Variants in ZFHX4 observed in about 807,000 individuals in gnomAD.
ZFHX4 encodes the protein zinc finger homeobox protein 4.
In ZFHX4, 56 loss-of-function variants were observed where a neutral mutation model predicts 267.6. That is an observed-to-expected ratio of 0.21 (90% confidence interval 0.17 to 0.26). The LOEUF (loss-of-function observed/expected upper bound fraction) is 0.26. ZFHX4 is among the 10% of genes least tolerant of loss of function. ZFHX4 has a pLI of 1.00. For missense variants in ZFHX4, 4,332 were observed against 4,420.0 expected, an observed-to-expected ratio of 0.98 and a Z score of 0.56; for synonymous variants, 1,778 against 1,665.6, an observed-to-expected ratio of 1.07 and a Z score of -1.64.
In ZFHX4 at chr8:76,707,747, C is replaced by T. The variant is rs1179027430; in HGVS notation, c.2792C>T (p.Pro931Leu). ...CATGTGAGCAGTGAGCGCTCTCTCCCTGAAGAGGAATGGAGGGCAGTAATT... is the reference window on the plus strand; with the variant it reads ...CATGTGAGCAGTGAGCGCTCTCTCCTTGAAGAGGAATGGAGGGCAGTAATT... ...SVHVSSERSL[P>L]EEEWRAVIGD... Residue 931 changes from proline to leucine, a missense_variant, in exon 3 of 11, where the codon CCT becomes CTT. Around this residue, in one of 7 missense-constraint regions of ZFHX4, gnomAD observed 1,195 missense variants for 1,173.6 expected, o/e 1.02. Transcript: ENST00000651372. 7.4e-6 allele frequency: 12 copies of T among 1,613,692 alleles called. No homozygotes were observed. Among genetic ancestry groups the T allele is most frequent in the Non-Finnish European group, 9.3e-6 (11 of 1,179,852 alleles).
intron 2 of ZFHX4, among the ~76,000 whole-genome samples, chr8:76,707,293 A>C (rs1185861832): frequency 6.6e-6 from 1 of 152,180 alleles, no homozygotes; most frequent in Non-Finnish European, 1.5e-5. Context: ...GTATTGATCA[A>C]CTTTCTTGCC....
intron 4 of ZFHX4, among the ~76,000 whole-genome samples, chr8:76,796,330 A>T (rs1337039294): frequency 6.6e-6 from 1 of 152,202 alleles, no homozygotes; most frequent in Non-Finnish European, 1.5e-5. Context: ...TCTATAGAAT[A>T]TGTAGAGATA....
At chr8:76,748,221 T>C (rs972480313) in intron 3 of ZFHX4, among the ~76,000 whole-genome samples, 2 of 152,176 alleles carry the variant, frequency 1.3e-5, no homozygotes, top group African/African-American at 4.8e-5. Flanking sequence ...GTGTGTCTCA[T>C]ATCTGTAAGT....
At chr8:76,736,846 T>G (rs1381602780) in intron 3 of ZFHX4, among the ~76,000 whole-genome samples, 1 of 152,124 alleles carries the variant, frequency 6.6e-6, no homozygotes, top group Non-Finnish European at 1.5e-5. Context: ...AAAAATACCT[T>G]GATTAATTGT....
At chr8:76,743,178 C>T (rs912953173) in intron 3 of ZFHX4, among the ~76,000 whole-genome samples, 1 of 152,118 alleles carries the variant, frequency 6.6e-6, no homozygotes, top group Non-Finnish European at 1.5e-5. Context: ...CTAACACAGC[C>T]ACAGATTTCA....
chr8:76,711,777 C>T (rs1034526107), intron 3 of ZFHX4, among the ~76,000 whole-genome samples: 1 of 152,126 alleles, frequency 6.6e-6, no homozygotes, highest in Non-Finnish European at 1.5e-5. Flanking sequence ...ATGAAAACCA[C>T]AGAGCACTAC....
In ZFHX4 at chr8:76,851,178, T is replaced by A; in HGVS notation, c.4257T>A (p.His1419Gln). 6.2e-7 allele frequency: 1 copy of A among 1,613,958 alleles called. No homozygotes were observed. The highest frequency in any genetic ancestry group is 8.5e-7 in the Non-Finnish European group (1 of 1,179,882). Residue 1419 changes from histidine (H) to glutamine (Q), a missense_variant, in exon 10 of 11, where the codon CAT becomes CAA. Transcript: ENST00000651372. ...MQKLQIHSQY[H>Q]AIRAATMCNL... is the part of the protein sequence containing the mutation. ...AGCTTCAGATACATTCCCAGTATCA[T>A]GCAATTCGGGCTGCGACAATGTGTA...
rs138465932 is a variant in ZFHX4 at position 76,845,722 on chromosome 8, T to C, written c.3511+2951T>C. ...TTTACAGCCTTCTGTATTTTAGGGATTGAAAATTATTAAGAAGGCGGCATC... is the reference window on the plus strand; with the variant it reads ...TTTACAGCCTTCTGTATTTTAGGGACTGAAAATTATTAAGAAGGCGGCATC... On this transcript the variant is annotated intron_variant, in intron 6 of 10. Coordinates refer to ENST00000651372, the MANE Select transcript of ZFHX4 (RefSeq NM_024721.5). Among the ~76,000 whole-genome samples, 1,105 of 152,150 alleles carry C rather than the reference T, an allele frequency of 7.3e-3. 23 individuals carry two copies. Among genetic ancestry groups the C allele is most frequent in the Admixed American group, 0.048 (728 of 15,258 alleles).
Position 76,863,390 on chromosome 8 carries a change from C to G in ZFHX4, c.9676C>G (p.Leu3226Val). 1.2e-6 allele frequency: 2 copies of G among 1,613,990 alleles called. No homozygotes were observed. Among genetic ancestry groups the G allele is most frequent in the South Asian group, 2.2e-5 (2 of 91,078 alleles). Residue 3226 changes from leucine to valine, a missense_variant, in exon 11 of 11, where the codon CTT (leucine) becomes GTT (valine). By Grantham distance (32) the Leu-to-Val change is conservative (BLOSUM62 1). Around this residue, in one of 7 missense-constraint regions of ZFHX4, gnomAD observed 1,648 missense variants for 1,625.0 expected, o/e 1.01. Coordinates refer to ENST00000651372, the MANE Select transcript of ZFHX4 (RefSeq NM_024721.5). Reference sequence around the variant, plus strand: ...AAAAGAGGAAAAAATCTCATCTGCTCTTTCAGTGTTGGGCAAAGTTGTAGG... The same window carrying G: ...AAAAGAGGAAAAAATCTCATCTGCTGTTTCAGTGTTGGGCAAAGTTGTAGG... ...PKKEEKISSA[L>V]SVLGKVVGET...
At chr8:76,788,891 A>G (rs1006481698) in intron 4 of ZFHX4, among the ~76,000 whole-genome samples, 2 of 152,148 alleles carry the variant, frequency 1.3e-5, no homozygotes, top group African/African-American at 4.8e-5. Flanking sequence ...TTTTAAGGGA[A>G]CTGATCAGAT....
Position 76,854,839 on chromosome 8 carries a change from C to G in ZFHX4, c.7918C>G (p.Arg2640Gly), listed in dbSNP as rs754039043. The change falls in exon 10 of 11, where the codon CGC becomes GGC. Residue 2640 changes from arginine to glycine, a missense_variant. Transcript: ENST00000651372. ...PTRKMLDHIA[R>G]EVGLKKRVVQ... ...CAGAAAAATGCTTGATCATATTGCC[C>G]GCGAAGTCGGGCTGAAAAAAAGGGT... The G allele has an allele frequency of 6.2e-7, 1 of 1,609,442 alleles. No individual in the cohort carries two copies. Among genetic ancestry groups the G allele is most frequent in the Non-Finnish European group, 8.5e-7 (1 of 1,178,638 alleles).
intron 4 of ZFHX4, among the ~76,000 whole-genome samples, chr8:76,821,551 G>A (rs1408515330): frequency 6.7e-6 from 1 of 148,282 alleles, no homozygotes; most frequent in African/African-American, 2.5e-5. Flanking sequence ...TCACTAGGCT[G>A]TCTATACCAC....
chr8:76,833,305 G>T, intron 4 of ZFHX4, 33 bp from the exon 5 acceptor site: 1 of 1,588,404 alleles, frequency 6.3e-7, no homozygotes, highest in South Asian at 1.1e-5. Flanking sequence ...GATATGGCAT[G>T]CTGATTACCT....
At chr8:76,722,789 C>T (rs1563484675) in intron 3 of ZFHX4, among the ~76,000 whole-genome samples, 1 of 151,992 alleles carries the variant, frequency 6.6e-6, no homozygotes, top group African/African-American at 2.4e-5. Context: ...AGTACATCCA[C>T]TCTATTGGTG....
At chr8:76,860,201 A>G (rs998283546) in intron 10 of ZFHX4, among the ~76,000 whole-genome samples, 13 of 152,136 alleles carry the variant, frequency 8.5e-5, no homozygotes, top group Non-Finnish European at 2.9e-5. Flanking sequence ...TCTTACTAGT[A>G]AGCCAAATGC....
At chr8:76,740,968 A>G (rs1809300500) in intron 3 of ZFHX4, among the ~76,000 whole-genome samples, 1 of 152,170 alleles carries the variant, frequency 6.6e-6, no homozygotes, top group Non-Finnish European at 1.5e-5. Flanking sequence ...GAATTTATAG[A>G]TATATTAATT....
Position 76,849,544 on chromosome 8 carries a change from T to C in ZFHX4, c.3678T>C (p.Ser1226=). Residue 1226 remains serine, a synonymous_variant, in exon 8 of 11, where the codon AGT becomes AGC. Transcript: ENST00000651372. Reference sequence around the variant, plus strand: ...AATGTCCTTATTGTAACTACAATAGTAGGGACCAAAGTCGTATCCAGATGC... The same window carrying C: ...AATGTCCTTATTGTAACTACAATAGCAGGGACCAAAGTCGTATCCAGATGC... ...FYQCPYCNYN[S]RDQSRIQMHV... The C allele has an allele frequency of 6.2e-7, 1 of 1,613,956 alleles. No individual in the cohort carries two copies. Among genetic ancestry groups the C allele is most frequent in the Non-Finnish European group, 8.5e-7 (1 of 1,179,848 alleles).
chr8:76,726,163 T>C (rs974738958), intron 3 of ZFHX4, among the ~76,000 whole-genome samples: 2 of 152,188 alleles, frequency 1.3e-5, no homozygotes, highest in African/African-American at 4.8e-5. Context: ...AGTTTTTTTT[T>C]TGGAAATTTG....
intron 4 of ZFHX4, among the ~76,000 whole-genome samples, chr8:76,791,058 T>A (rs1009707325): frequency 6.6e-6 from 1 of 152,188 alleles, no homozygotes; most frequent in African/African-American, 2.4e-5. Context: ...AATATTTGAC[T>A]TCAATTTGCT....
Sources: allele counts gnomAD v4.1 joint callset (sites outside exome capture counted in the v4.1 genomes callset), GRCh38; gene constraint gnomAD v4.1.1; regional missense constraint gnomAD v4.1.1; transcripts MANE v1.5; gene names NCBI Gene and HGNC (gene_info 2026-07-23, HGNC 2026-07-21).